HIVEP1: variants seen among roughly 807,000 people sequenced by gnomAD.
HIVEP1 encodes HIVEP zinc finger 1.
A neutral mutation model predicts 180.0 loss-of-function variants in HIVEP1; 36 were observed. That is an observed-to-expected ratio of 0.20 (90% CI 0.15 to 0.26). The LOEUF is 0.26. HIVEP1 is among the 10% of genes least tolerant of loss of function. HIVEP1 has a pLI of 1.00. For missense variants in HIVEP1, 3,143 were observed against 3,268.7 expected (o/e 0.96, Z 0.94); for synonymous variants, 1,239 against 1,239.0 (o/e 1.00, Z 0.00).
the HIVEP1 span, among the ~76,000 whole-genome samples, chr6:12,201,132 CA>C: frequency 2.0e-5 from 3 of 152,226 alleles, no homozygotes; most frequent in South Asian, 6.2e-4. Flanking sequence ...TTAATCTAGG[CA>C]TTTTCAAACA....
intron 2 of HIVEP1, among the ~76,000 whole-genome samples, chr6:12,066,586 G>T (rs992744012): frequency 6.6e-6 from 1 of 152,200 alleles, no homozygotes; most frequent in Non-Finnish European, 1.5e-5. Context: ...TACTTCCTTT[G>T]TGAAAGAAAT....
chr6:12,110,831 T>G lies in HIVEP1; in HGVS notation c.95-9059T>G, dbSNP rs554672697. ...TACAAGCATCCTAGCCTTCAGCCTA[T>G]CTCAGCTTTCAACACGCCTTCTTCA... On this transcript the variant is annotated intron_variant, in intron 3 of 8. Transcript: ENST00000379388. Among the ~76,000 whole-genome samples the G allele has an allele frequency of 2.4e-4, 37 of 152,378 alleles. 1 individual carries two copies. Among genetic ancestry groups the G allele is most frequent in the African/African-American group, 8.2e-4 (34 of 41,594 alleles).
chr6:12,127,176 A>AG (rs1758132434), intron 4 of HIVEP1, among the ~76,000 whole-genome samples: 1 of 152,184 alleles, frequency 6.6e-6, no homozygotes, highest in South Asian at 2.1e-4. Flanking sequence ...AAAAAAAAAA[A>AG]TTAATAATAC....
Position 12,141,691 on chromosome 6 carries a change from C to CAAAAAAAA in HIVEP1, c.6487+5821_6487+5828dup, listed in dbSNP as rs60419579. Among the ~76,000 whole-genome samples the CAAAAAAAA allele has an allele frequency of 5.3e-3, 102 of 19,242 alleles. 25 individuals carry two copies. Among genetic ancestry groups the CAAAAAAAA allele is most frequent in the East Asian group, 0.031 (6 of 196 alleles). 12.6% of individuals were successfully genotyped at this position (19,242 alleles called of 152,430 possible). A position where few individuals can be genotyped will look rare whatever the true frequency, so the allele number is the denominator to read the frequency against. ...GAAGATCTACCAAGCAAATGGAAAG[C>CAAAAAAAA]AAAAAAAAAAAAAAAAAAAAAAAAA... On this transcript the variant is annotated intron_variant, in intron 7 of 8. Coordinates refer to ENST00000379388, the MANE Select transcript of HIVEP1 (RefSeq NM_002114.4).
chr6:12,065,258 A>G (rs1771496344), intron 2 of HIVEP1, among the ~76,000 whole-genome samples: 1 of 152,212 alleles, frequency 6.6e-6, no homozygotes, highest in Non-Finnish European at 1.5e-5. Context: ...GGATAGGAGA[A>G]TAACTATGAT....
intron 3 of HIVEP1, among the ~76,000 whole-genome samples, chr6:12,108,810 C>T (rs2113444219): frequency 6.6e-6 from 1 of 152,300 alleles, no homozygotes; most frequent in African/African-American, 2.4e-5. Context: ...CCGGCTCTGG[C>T]CTTGGCCAGC....
chr6:12,167,617 T>C (rs548414444), downstream of HIVEP1, among the ~76,000 whole-genome samples: 5 of 107,010 alleles, frequency 4.7e-5, no homozygotes, highest in Non-Finnish European at 1.1e-4. Flanking sequence ...TTATATTACA[T>C]GTATATATAC....
At chr6:12,203,948 G>A in the HIVEP1 span, among the ~76,000 whole-genome samples, 1 of 152,202 alleles carries the variant, frequency 6.6e-6, no homozygotes, top group Non-Finnish European at 1.5e-5. Flanking sequence ...GTGGTGGCAG[G>A]CATCTGTAAT....
intron 5 of HIVEP1, 28 bp downstream of exon 5, chr6:12,129,920 TAC>T: frequency 1.4e-6 from 2 of 1,456,064 alleles, no homozygotes; most frequent in Non-Finnish European, 1.9e-6. Flanking sequence ...TTCTTAAATG[TAC>T]ATTTAAACTG....
chr6:12,109,663 C>T (rs1191644699), intron 3 of HIVEP1, among the ~76,000 whole-genome samples: 2 of 152,212 alleles, frequency 1.3e-5, no homozygotes, highest in Non-Finnish European at 2.9e-5. Flanking sequence ...TCCACCACAT[C>T]TGCGGGGACT....
At chr6:12,082,564 A>C (rs1390971804) in intron 2 of HIVEP1, among the ~76,000 whole-genome samples, 2 of 152,120 alleles carry the variant, frequency 1.3e-5, no homozygotes, top group Non-Finnish European at 2.9e-5. Context: ...TATGGTTTTA[A>C]CTGCCAGTTA....
At position 12,125,278 on chromosome 6, in the gene HIVEP1, T is replaced by C; in HGVS notation, c.5483T>C (p.Val1828Ala). The C allele has an allele frequency of 1.9e-6, 3 of 1,614,076 alleles. No homozygotes were observed. Among genetic ancestry groups the C allele is most frequent in the Non-Finnish European group, 2.5e-6 (3 of 1,179,974 alleles). The change falls in exon 4 of 9, where the codon GTT becomes GCT. Residue 1828 changes from valine (V) to alanine (A), a missense_variant. This residue lies in a region of HIVEP1 where 1,357 missense variants were observed against 1,260.5 expected (regional missense o/e 1.08). Transcript: ENST00000379388. ...FSQPEISNEA[V>A]NLTNVLPADN... The stretch of plus-strand genomic sequence containing the variant: ...CAACCTGAAATTAGTAATGAGGCTG[T>C]TAATTTGACAAATGTTTTACCAGCT...
Position 12,015,522 on chromosome 6 carries a change from TCAGC to T in HIVEP1, c.-103-3_-103del. ...ATGTGCTTCTCCGTTTTTTTCTTTT[TCAGC>T]ACATGGATTAATTGATGTATGTTGA... On this transcript the variant is annotated splice_acceptor_variant and splice_polypyrimidine_tract_variant and 5_prime_UTR_variant and intron_variant, in exon 2 of 9. Coordinates refer to ENST00000379388, the MANE Select transcript of HIVEP1 (RefSeq NM_002114.4). LOFTEE classifies it low-confidence loss of function (5UTR_SPLICE). 1 of 896,482 alleles carries T rather than the reference TCAGC, an allele frequency of 1.1e-6. No individual in the cohort carries two copies. Among genetic ancestry groups the T allele is most frequent in the Admixed American group, 2.3e-5 (1 of 44,270 alleles). 55.5% of individuals were successfully genotyped at this position (896,482 alleles called of 1,614,324 possible).
At position 12,164,375 on chromosome 6, in the gene HIVEP1, A is replaced by C. The variant is rs1255538325; in HGVS notation, c.8071A>C (p.Thr2691Pro). ...TCCAGACAGACAGGTTCCCAGGCCC[A>C]CAGCACTACCGCGGAGGCAGCCCAC... ...LSPDRQVPRP[T>P]ALPRRQPTVH... The change falls in exon 9 of 9, where the codon ACA becomes CCA. Residue 2691 changes from threonine (T) to proline (P), a missense_variant. Transcript: ENST00000379388. 6.2e-7 allele frequency: 1 copy of C among 1,614,170 alleles called. No homozygotes were observed. Among genetic ancestry groups the C allele is most frequent in the South Asian group, 1.1e-5 (1 of 91,090 alleles).
At chr6:12,054,457 CTATA>C (rs1454697485) in intron 2 of HIVEP1, among the ~76,000 whole-genome samples, 9 of 151,382 alleles carry the variant, frequency 5.9e-5, no homozygotes, top group African/African-American at 2.2e-4. Flanking sequence ...TGTATCTAGA[CTATA>C]TATACATGCA....
chr6:12,194,937 G>A, the HIVEP1 span, among the ~76,000 whole-genome samples: 17 of 152,286 alleles, frequency 1.1e-4, no homozygotes, highest in African/African-American at 4.1e-4. Context: ...GACACTGCCA[G>A]GGGAAGCTGG....
intron 2 of HIVEP1, among the ~76,000 whole-genome samples, chr6:12,088,488 C>T (rs1051641965): frequency 6.6e-6 from 1 of 152,048 alleles, no homozygotes; most frequent in African/African-American, 2.4e-5. Context: ...CACATATTTA[C>T]AAAATCCAGT....
At chr6:12,056,214 C>A (rs957867424) in intron 2 of HIVEP1, among the ~76,000 whole-genome samples, 4 of 151,970 alleles carry the variant, frequency 2.6e-5, no homozygotes, top group Non-Finnish European at 4.4e-5. Flanking sequence ...GAAATAGGAT[C>A]AATAAATTAC....
rs764621577 is a variant in HIVEP1, at chr6:12,119,892, A to G, written c.97A>G (p.Ile33Val). Residue 33 changes from isoleucine (I) to valine (V), a missense_variant and splice_region_variant, in exon 4 of 9, where the codon ATC becomes GTC. This residue lies in a region of HIVEP1 where 114 missense variants were observed against 134.5 expected (regional missense o/e 0.85). Coordinates refer to ENST00000379388, the MANE Select transcript of HIVEP1 (RefSeq NM_002114.4). ...LNGAEVSKKE[I>V]LQAGVKGTSE... Reference sequence around the variant, plus strand: ...GTTGTTGTTGTTGTTTTTTCCAGAAATCTTACAGGCTGGTGTTAAAGGAAC... The same window carrying G: ...GTTGTTGTTGTTGTTTTTTCCAGAAGTCTTACAGGCTGGTGTTAAAGGAAC... 3 of 1,543,412 alleles carry G rather than the reference A, an allele frequency of 1.9e-6. No individual in the cohort carries two copies. The highest frequency in any genetic ancestry group is 2.2e-5 in the East Asian group (1 of 44,464).
Sources: gnomAD v4.1 joint callset for allele counts (sites outside exome capture counted in the v4.1 genomes callset) on GRCh38, gnomAD v4.1.1 for gene constraint, gnomAD v4.1.1 regional missense constraint, MANE v1.5 for transcripts, NCBI Gene and HGNC (gene_info 2026-07-23, HGNC 2026-07-21) for gene names.